Variants in LRRTM4 observed in about 807,000 individuals in gnomAD.
LRRTM4 encodes leucine-rich repeat transmembrane neuronal protein 4.
LRRTM4 carries 25 observed loss-of-function variants against 47.6 expected under a neutral mutation model. The ratio of observed to expected loss-of-function variants is 0.53; its 90% confidence interval spans 0.38 to 0.73. The LOEUF (loss-of-function observed/expected upper bound fraction) is 0.73, where lower values mean the gene tolerates loss of function less well. Among genes scored for constraint, LRRTM4 ranks in the 30% least tolerant of loss-of-function variants. LRRTM4 has a pLI of 0.00. For missense variants in LRRTM4, 638 were observed against 713.4 expected, an observed-to-expected ratio of 0.89 and a Z score of 1.20; for synonymous variants, 311 against 269.5, an observed-to-expected ratio of 1.15 and a Z score of -1.51.
chr2:77,247,181 A>G (rs565893756), intron 3 of LRRTM4, among the ~76,000 whole-genome samples: 19 of 152,080 alleles, frequency 1.2e-4, no homozygotes, highest in Non-Finnish European at 2.6e-4. Flanking sequence ...TTTTAGTACT[A>G]TAGTAAACAC....
intron 3 of LRRTM4, among the ~76,000 whole-genome samples, chr2:76,988,443 A>G (rs1022756400): frequency 6.6e-5 from 10 of 151,810 alleles, no homozygotes; most frequent in African/African-American, 1.7e-4. Context: ...TGTTCTCCAT[A>G]AAGTTGCCAT....
intron 3 of LRRTM4, among the ~76,000 whole-genome samples, chr2:77,108,166 G>T (rs1223748881): frequency 6.6e-6 from 1 of 151,968 alleles, no homozygotes; most frequent in Admixed American, 6.6e-5. Context: ...ATTACTGAAT[G>T]CAAGAGCTCA....
chr2:76,920,427 T>C (rs1674394402), intron 3 of LRRTM4, among the ~76,000 whole-genome samples: 1 of 152,138 alleles, frequency 6.6e-6, no homozygotes, highest in Non-Finnish European at 1.5e-5. Context: ...GGTTTTGAAA[T>C]AAAGGTGTAA....
At chr2:77,083,050 GATCT>G (rs1680582994) in intron 3 of LRRTM4, among the ~76,000 whole-genome samples, 1 of 151,954 alleles carries the variant, frequency 6.6e-6, no homozygotes, top group African/African-American at 2.4e-5. Flanking sequence ...ATACACTTCT[GATCT>G]ATATTAAAAA....
intron 3 of LRRTM4, among the ~76,000 whole-genome samples, chr2:77,004,451 C>T (rs961516955): frequency 1.3e-5 from 2 of 152,180 alleles, no homozygotes; most frequent in Non-Finnish European, 2.9e-5. Context: ...TGTGGGTACA[C>T]AGAAGTCAAG....
intron 3 of LRRTM4, among the ~76,000 whole-genome samples, chr2:76,885,462 C>CTTTTT (rs775279021): frequency 3.0e-5 from 4 of 135,570 alleles, no homozygotes; most frequent in Non-Finnish European, 3.2e-5. Context: ...CAAAAACATG[C>CTTTTT]TTTTTTTTTT....
At chr2:76,844,301 AT>A (rs1175590016) in intron 3 of LRRTM4, among the ~76,000 whole-genome samples, 1 of 151,396 alleles carries the variant, frequency 6.6e-6, no homozygotes, top group Non-Finnish European at 1.5e-5. Flanking sequence ...CGCCCGGCTA[AT>A]TTTTTTGTAT....
At chr2:76,836,675 G>A (rs72819231) in intron 3 of LRRTM4, among the ~76,000 whole-genome samples, 2 of 152,066 alleles carry the variant, frequency 1.3e-5, no homozygotes, top group African/African-American at 4.8e-5. Flanking sequence ...AGGGAATAAA[G>A]GTTCAGAGAT....
intron 3 of LRRTM4, among the ~76,000 whole-genome samples, chr2:76,904,572 T>C (rs1224316052): frequency 1.3e-5 from 2 of 152,176 alleles, no homozygotes; most frequent in Non-Finnish European, 2.9e-5. Flanking sequence ...TAAATCTTAG[T>C]GGGAGTATAG....
In LRRTM4 at chr2:77,519,235, G is replaced by A. The variant is rs2104130317; in HGVS notation, c.634C>T (p.Leu212=). Residue 212 remains leucine (L), a synonymous_variant, in exon 3 of 4, where the codon CTG becomes TTG. Coordinates refer to ENST00000409884, the MANE Select transcript of LRRTM4 (RefSeq NM_001134745.3). This position sits in a 1 kb window ranked among gnomAD's most constrained non-coding sequence, Gnocchi z 4.6. ...AGLLKLKELH[L]EHNQFSKINF... ...ATCTTGGAAAACTGGTTGTGCTCCA[G>A]GTGGAGCTCCTTTAACTTCAAGAGG... 1.2e-6 allele frequency: 2 copies of A among 1,613,352 alleles called. No individual in the cohort carries two copies. Among genetic ancestry groups the A allele is most frequent in the Non-Finnish European group, 1.7e-6 (2 of 1,179,598 alleles).
At chr2:77,468,951 C>T (rs1022248120) in intron 3 of LRRTM4, among the ~76,000 whole-genome samples, 5 of 152,146 alleles carry the variant, frequency 3.3e-5, no homozygotes, top group Non-Finnish European at 5.9e-5. Context: ...ATATGATGTC[C>T]GTTTTTACTA....
intron 1 of LRRTM4, 60 bp from the exon 2 acceptor site, chr2:77,521,878 T>G: frequency 3.5e-6 from 1 of 287,216 alleles, no homozygotes; most frequent in Non-Finnish European, 6.1e-6. Flanking sequence ...TATACATATA[T>G]ATATATATAT....
chr2:77,396,951 A>G (rs1673728289), intron 3 of LRRTM4, among the ~76,000 whole-genome samples: 1 of 151,894 alleles, frequency 6.6e-6, no homozygotes. Context: ...TGTAATAGCA[A>G]CTCTTGACCT....
chr2:76,834,287 G>A (rs1051069473), intron 3 of LRRTM4, among the ~76,000 whole-genome samples: 4 of 151,584 alleles, frequency 2.6e-5, no homozygotes, highest in African/African-American at 9.7e-5. Flanking sequence ...CTGACCTCAG[G>A]TGATCTGCCT....
chr2:77,041,814 C>CT (rs1427170697), intron 3 of LRRTM4, among the ~76,000 whole-genome samples: 1 of 149,182 alleles, frequency 6.7e-6, no homozygotes, highest in Non-Finnish European at 1.5e-5. Context: ...GCGGTTTTTG[C>CT]TTTTGAAAGT....
At chr2:76,918,319 T>A (rs1300715557) in intron 3 of LRRTM4, among the ~76,000 whole-genome samples, 1 of 152,230 alleles carries the variant, frequency 6.6e-6, no homozygotes, top group Non-Finnish European at 1.5e-5. Flanking sequence ...ATTTAATGTT[T>A]AAGTTTTTAC....
At chr2:76,940,398 A>C (rs972427224) in intron 3 of LRRTM4, among the ~76,000 whole-genome samples, 1 of 152,174 alleles carries the variant, frequency 6.6e-6, no homozygotes. Flanking sequence ...AGAAAATCAG[A>C]TACCACCTGT....
At chr2:77,422,390 C>A (rs1674936003) in intron 3 of LRRTM4, among the ~76,000 whole-genome samples, 1 of 152,132 alleles carries the variant, frequency 6.6e-6, no homozygotes, top group Non-Finnish European at 1.5e-5. Flanking sequence ...GCATCCATGT[C>A]TGATGCAGAA....
intron 3 of LRRTM4, among the ~76,000 whole-genome samples, chr2:76,823,982 T>G: frequency 6.6e-6 from 1 of 151,586 alleles, no homozygotes; most frequent in East Asian, 1.9e-4. Flanking sequence ...ACAGAAAGGC[T>G]GACTTCAGTG....
Sources: gnomAD v4.1 joint callset for allele counts (sites outside exome capture counted in the v4.1 genomes callset) on GRCh38, gnomAD v4.1.1 for gene constraint, Gnocchi (gnomAD v3.1) non-coding constraint, MANE v1.5 for transcripts, NCBI Gene and HGNC (gene_info 2026-07-23, HGNC 2026-07-21) for gene names.